The following TRIM9 variants were observed in gnomAD, a reference collection of about 807,000 sequenced individuals.
The protein encoded by TRIM9 is E3 ubiquitin-protein ligase TRIM9.
Under a neutral mutation model 78.3 loss-of-function variants are expected in TRIM9, and 26 were observed. The observed-to-expected ratio is 0.33, with a 90% CI of 0.24 to 0.46. The LOEUF (loss-of-function observed/expected upper bound fraction) is 0.46. Among genes scored for constraint, TRIM9 ranks in the 20% least tolerant of loss-of-function variants. The probability of loss-of-function intolerance (pLI) is 1.00; values close to 1 mark genes in which losing one functional copy is unlikely to be tolerated. For synonymous variants in TRIM9, 398 were observed against 416.5 expected, an observed-to-expected ratio of 0.96 and a Z score of 0.54; for missense variants, 787 against 1,036.4, an observed-to-expected ratio of 0.76 and a Z score of 3.30.
At chr14:51,038,688 C>T (rs1024622049) in intron 1 of TRIM9, among the ~76,000 whole-genome samples, 1 of 152,222 alleles carries the variant, frequency 6.6e-6, no homozygotes, top group Non-Finnish European at 1.5e-5. Flanking sequence ...TGTAAAGCAT[C>T]TGACCACCTG....
At chr14:51,004,810 C>T (rs972907571) in intron 5 of TRIM9, among the ~76,000 whole-genome samples, 2 of 152,182 alleles carry the variant, frequency 1.3e-5, no homozygotes, top group African/African-American at 2.4e-5. Flanking sequence ...CATCATACTG[C>T]CCCTCTCCAG....
rs187935570 is a variant in TRIM9, at chr14:51,004,437, A to T, written c.1307-3597T>A. On this transcript the variant is annotated intron_variant, in intron 5 of 12. Transcript: ENST00000684578. The stretch of plus-strand genomic sequence containing the variant: ...TTCTATCTCACATTTTATTTGTTTA[A>T]TTTTTTTTTTCAGTGATCTTTCAGA... Among the ~76,000 whole-genome samples, 420 of 150,306 alleles carry T rather than the reference A, an allele frequency of 2.8e-3. 5 individuals are homozygous for T. In the East Asian group the frequency reaches 0.047, roughly 17 times the overall value.
rs751670116 is a variant in TRIM9, at chr14:50,977,302, A to T, written c.2377T>A (p.Ser793Thr). 1.9e-6 allele frequency: 3 copies of T among 1,539,690 alleles called. No homozygotes were observed. Among genetic ancestry groups the T allele is most frequent in the Non-Finnish European group, 1.8e-6 (2 of 1,140,284 alleles). Residue 793 changes from serine (S) to threonine (T), a missense_variant, in exon 13 of 13, where the codon TCA becomes ACA. Ser to Thr is a moderately conservative substitution (Grantham distance 58). This residue lies in a region of TRIM9 where 421 missense variants were observed against 514.3 expected (regional missense o/e 0.82). Coordinates refer to ENST00000684578, the MANE Select transcript of TRIM9 (RefSeq NM_001387360.1). Reference sequence around the variant, plus strand: ...TCCACGGCACATCCTTAGGCTATTGATGCTCTGCTGGAGTAGAAGTCGGGG... The same window carrying T: ...TCCACGGCACATCCTTAGGCTATTGTTGCTCTGCTGGAGTAGAAGTCGGGG... ...PVPDFYSSRA[S>T]IA
intron 1 of TRIM9, among the ~76,000 whole-genome samples, chr14:51,093,054 T>A (rs1414238078): frequency 4.0e-5 from 6 of 151,726 alleles, no homozygotes; most frequent in Non-Finnish European, 7.4e-5. Context: ...TGAGGAACAG[T>A]AAGAAGCAGT....
At position 50,976,571 on chromosome 14, in the gene TRIM9, T is replaced by G. The variant is rs2051104432; in HGVS notation, c.*720A>C. On this transcript the variant is annotated 3_prime_UTR_variant, in exon 13 of 13. Transcript: ENST00000684578. ...GCTTTTATTAAATAAACGAACCAAA[T>G]CATTAAGTCCCCTGGTTTGCCTGTG... 6.6e-6 allele frequency: 1 copy of G among 152,572 alleles called. No individual in the cohort carries two copies. Among genetic ancestry groups the G allele is most frequent in the African/African-American group, 2.4e-5 (1 of 41,422 alleles). The allele number at this position is 152,572 out of a possible 1,614,324, so 9.5% of individuals were successfully genotyped here.
At position 51,095,052 on chromosome 14, in the gene TRIM9, T is replaced by G; in HGVS notation, c.-113A>C. 1.3e-6 allele frequency: 1 copy of G among 744,778 alleles called. No homozygotes were observed. Among genetic ancestry groups the G allele is most frequent in the Non-Finnish European group, 1.9e-6 (1 of 523,576 alleles). The allele number at this position is 744,778 out of a possible 1,614,324, so 46.1% of individuals were successfully genotyped here. On this transcript the variant is annotated 5_prime_UTR_variant, in exon 1 of 13. Transcript: ENST00000684578. ...TGGCCAGCGGCGGCGGCTGTGGTGG[T>G]GGTGCCTTCCCGCGCAGCACTGGCA...
intron 1 of TRIM9, among the ~76,000 whole-genome samples, chr14:51,033,968 C>T (rs565476446): frequency 6.6e-6 from 1 of 152,184 alleles, no homozygotes; most frequent in African/African-American, 2.4e-5. Context: ...ATACATGTAT[C>T]TGTCCACAAA....
chr14:51,030,873 G>A (rs1265481182), intron 1 of TRIM9, among the ~76,000 whole-genome samples: 2 of 152,112 alleles, frequency 1.3e-5, no homozygotes, highest in African/African-American at 2.4e-5. Flanking sequence ...GAGGCCGGGC[G>A]TGGTGGCTCA....
chr14:50,994,738 T>C (rs1044110362), intron 7 of TRIM9, among the ~76,000 whole-genome samples: 1 of 152,226 alleles, frequency 6.6e-6, no homozygotes. Context: ...CAGATACTCT[T>C]TTGCAGATGG....
At chr14:51,018,976 T>C (rs10483602) in intron 3 of TRIM9, among the ~76,000 whole-genome samples, 5 of 152,058 alleles carry the variant, frequency 3.3e-5, no homozygotes, top group African/African-American at 1.2e-4. Context: ...ATTGTGAATG[T>C]TACATAAACA....
At chr14:51,078,132 A>ACTCAAGGC (rs2062970716) in intron 1 of TRIM9, among the ~76,000 whole-genome samples, 1 of 152,188 alleles carries the variant, frequency 6.6e-6, no homozygotes, top group African/African-American at 2.4e-5. Flanking sequence ...CACTCAGCCT[A>ACTCAAGGC]TGTCAGGCCT....
chr14:51,009,006 G>A, intron 5 of TRIM9, 74 bp downstream of exon 5: 1 of 1,465,836 alleles, frequency 6.8e-7, no homozygotes, highest in Non-Finnish European at 9.4e-7. Context: ...TAGCCAAAGG[G>A]GTACTGATCC....
intron 1 of TRIM9, among the ~76,000 whole-genome samples, chr14:51,048,485 AG>A (rs2060126315): frequency 1.3e-5 from 2 of 152,244 alleles, no homozygotes; most frequent in Non-Finnish European, 2.9e-5. Context: ...TCAAATCCTG[AG>A]TGTGTCCTAG....
chr14:51,078,447 A>C (rs1299568410), intron 1 of TRIM9, among the ~76,000 whole-genome samples: 4 of 152,204 alleles, frequency 2.6e-5, no homozygotes, highest in Admixed American at 2.0e-4. Flanking sequence ...GTGTACACCA[A>C]CAGACAAACA....
intron 5 of TRIM9, among the ~76,000 whole-genome samples, chr14:51,001,417 G>A (rs2055012319): frequency 6.6e-6 from 1 of 151,958 alleles, no homozygotes; most frequent in Non-Finnish European, 1.5e-5. Flanking sequence ...TTTTAGTAGA[G>A]ACGGGGTTTC....
intron 1 of TRIM9, among the ~76,000 whole-genome samples, chr14:51,088,211 C>T (rs1396611219): frequency 1.3e-5 from 2 of 152,186 alleles, no homozygotes; most frequent in Non-Finnish European, 2.9e-5. Flanking sequence ...ATAACAATTA[C>T]TTACTAACTT....
chr14:51,010,138 A>G (rs2056391644), intron 4 of TRIM9, among the ~76,000 whole-genome samples: 1 of 151,314 alleles, frequency 6.6e-6, no homozygotes, highest in African/African-American at 2.4e-5. Flanking sequence ...GCGAAAAAAA[A>G]AAGAAAAAGA....
At chr14:51,073,513 A>C (rs1274408761) in intron 1 of TRIM9, among the ~76,000 whole-genome samples, 1 of 152,216 alleles carries the variant, frequency 6.6e-6, no homozygotes, top group East Asian at 1.9e-4. Context: ...GATCCAAAAA[A>C]CATATCTTTG....
chr14:51,077,310 G>T (rs1475164432), intron 1 of TRIM9, among the ~76,000 whole-genome samples: 18 of 151,384 alleles, frequency 1.2e-4, no homozygotes, highest in Non-Finnish European at 1.9e-4. Flanking sequence ...CCAAGATAGG[G>T]TGTTTTAAGG....
Sources: gnomAD v4.1 joint callset for allele counts (sites outside exome capture counted in the v4.1 genomes callset) on GRCh38, gnomAD v4.1.1 for gene constraint, gnomAD v4.1.1 regional missense constraint, MANE v1.5 for transcripts, NCBI Gene and HGNC (gene_info 2026-07-23, HGNC 2026-07-21) for gene names.